Variants in PCDHGA8 observed in about 807,000 individuals in gnomAD.
The protein encoded by PCDHGA8 is protocadherin gamma subfamily A, 8, also known as protocadherin gamma-A8.
PCDHGA8 carries 45 observed loss-of-function variants against 59.2 expected under a neutral mutation model. The ratio of observed to expected loss-of-function variants is 0.76; its 90% CI spans 0.60 to 0.98. The LOEUF is 0.98. Among genes scored for constraint, PCDHGA8 ranks in the 50% least tolerant of loss-of-function variants. PCDHGA8 has a pLI of 0.00. For missense variants in PCDHGA8, 1,257 were observed against 1,196.2 expected (o/e 1.05, Z -0.75); for synonymous variants, 531 against 519.0 (o/e 1.02, Z -0.32).
Position 141,485,113 on chromosome 5 carries a change from T to G in PCDHGA8, c.2425-9694T>G. On this transcript the variant is annotated intron_variant, in intron 1 of 3. Transcript: ENST00000398604. This position sits in a 1 kb window ranked among gnomAD's most constrained non-coding sequence, Gnocchi z 5.7. ...AGGTGTCTCCAGCTGCTGTGGCTGTTTGGGGCGGGTCGGCTTCATCCGCGT... is the reference window on the plus strand; with the variant it reads ...AGGTGTCTCCAGCTGCTGTGGCTGTGTGGGGCGGGTCGGCTTCATCCGCGT... 1 of 1,286,014 alleles carries G rather than the reference T, an allele frequency of 7.8e-7. No individual in the cohort carries two copies. Among genetic ancestry groups the G allele is most frequent in the Non-Finnish European group, 1.1e-6 (1 of 898,642 alleles). 79.7% of individuals were successfully genotyped at this position (1,286,014 alleles called of 1,614,324 possible). A position where few individuals can be genotyped will look rare whatever the true frequency, so the allele number is the denominator to read the frequency against.
At chr5:141,403,708 T>C (rs1265644591) in intron 1 of PCDHGA8, 2 of 1,613,906 alleles carry the variant, frequency 1.2e-6, no homozygotes, top group South Asian at 1.1e-5. Flanking sequence ...TTAAAGTCCT[T>C]GAGAACGTGC....
intron 1 of PCDHGA8, among the ~76,000 whole-genome samples, chr5:141,483,648 T>TTGTGTGTG (rs111458813): frequency 0.019 from 2,886 of 149,692 alleles, 51 homozygotes; most frequent in African/African-American, 0.054. Flanking sequence ...GGGTGTGTGT[T>TTGTGTGTG]TGTGTGTGTG....
intron 1 of PCDHGA8, chr5:141,402,966 C>G (rs749578447): frequency 6.8e-6 from 11 of 1,605,942 alleles, no homozygotes; most frequent in Non-Finnish European, 8.5e-6. Context: ...GCAGCTCCAA[C>G]CAAATGCCAG....
In PCDHGA8 at chr5:141,432,365, G is replaced by A. The variant is rs1561860587; in HGVS notation, c.2424+37128G>A. The A allele has an allele frequency of 6.2e-7, 1 of 1,614,224 alleles. No homozygotes were observed. The highest frequency in any genetic ancestry group is 2.2e-5 in the East Asian group (1 of 44,882). ...CTTGCAAGTGAAAGTGATGGCGCGG[G>A]ACAACGGGCACCCGCCCCTCAGCAG... On this transcript the variant is annotated intron_variant, in intron 1 of 3. Transcript: ENST00000398604. The surrounding 1 kb of genome is among the most constrained non-coding windows in gnomAD (Gnocchi z 6.0).
chr5:141,413,397 T>A, intron 1 of PCDHGA8: 1 of 1,613,942 alleles, frequency 6.2e-7, no homozygotes, highest in Non-Finnish European at 8.5e-7. Context: ...TCTCCAGAGG[T>A]AGGACGCAGC....
chr5:141,421,055 C>A, intron 1 of PCDHGA8: 2 of 577,118 alleles, frequency 3.5e-6, no homozygotes, highest in South Asian at 2.4e-5. Flanking sequence ...GCCTCTACCA[C>A]ACAAAGCGGA....
intron 1 of PCDHGA8, chr5:141,399,398 G>A (rs1374441258): frequency 6.2e-7 from 1 of 1,613,972 alleles, no homozygotes; most frequent in Non-Finnish European, 8.5e-7. Flanking sequence ...ACAGACAGGG[G>A]CAAGCCGCCC....
chr5:141,404,271 T>A, intron 1 of PCDHGA8: 1 of 1,614,000 alleles, frequency 6.2e-7, no homozygotes, highest in Non-Finnish European at 8.5e-7. Flanking sequence ...CACATCACCC[T>A]GCAAGTGACT....
intron 1 of PCDHGA8, among the ~76,000 whole-genome samples, chr5:141,455,425 A>G (rs2098822334): frequency 1.3e-5 from 2 of 152,168 alleles, no homozygotes; most frequent in African/African-American, 2.4e-5. Flanking sequence ...CGGGGCTCCA[A>G]AAGAGGAGGT....
In PCDHGA8 at chr5:141,477,551, C is replaced by T. The variant is rs372055994; in HGVS notation, c.2425-17256C>T. ...CCTCCCCGGGGCTCCAATACTAAAC[C>T]TAAGTGTCTGGGACCCCGACGCCCC... On this transcript the variant is annotated intron_variant, in intron 1 of 3. Coordinates refer to ENST00000398604, the MANE Select transcript of PCDHGA8 (RefSeq NM_032088.2). The surrounding 1 kb of genome is among the most constrained non-coding windows in gnomAD (Gnocchi z 4.9). The T allele has an allele frequency of 8.1e-6, 13 of 1,614,060 alleles. No homozygotes were observed. Among genetic ancestry groups the T allele is most frequent in the Non-Finnish European group, 1.0e-5 (12 of 1,180,042 alleles).
Position 141,490,348 on chromosome 5 carries a change from G to T in PCDHGA8, c.2425-4459G>T, listed in dbSNP as rs2099698964. On this transcript the variant is annotated intron_variant, in intron 1 of 3. Transcript: ENST00000398604. The surrounding 1 kb of genome is among the most constrained non-coding windows in gnomAD (Gnocchi z 5.4). ...GAGCACACCAGTGGGCACAGTAGTG[G>T]GGTTGTTTAATGTGCGAGACCGGGA... The T allele has an allele frequency of 1.2e-6, 2 of 1,614,080 alleles. No homozygotes were observed. The highest frequency in any genetic ancestry group is 3.3e-5 in the Admixed American group (2 of 60,018).
At chr5:141,427,693 C>G in intron 1 of PCDHGA8, 1 of 909,726 alleles carries the variant, frequency 1.1e-6, no homozygotes, top group Non-Finnish European at 1.8e-6. Flanking sequence ...GCCTCCATCC[C>G]ACAAGTCAGC....
At position 141,512,133 on chromosome 5, in the gene PCDHGA8, G is replaced by C. The variant is rs1394116556; in HGVS notation, c.*960G>C. 1 of 152,708 alleles carries C rather than the reference G, an allele frequency of 6.5e-6. No homozygotes were observed. Among genetic ancestry groups the C allele is most frequent in the Non-Finnish European group, 1.5e-5 (1 of 68,102 alleles). The allele number at this position is 152,708 out of a possible 1,614,324, so 9.5% of individuals were successfully genotyped here. On this transcript the variant is annotated 3_prime_UTR_variant, in exon 4 of 4. Transcript: ENST00000398604. ...CCACTACATAATAGGGCTCAGCCCA[G>C]GCAGCCAGCTTTGGGCTGAGCTAAC...
chr5:141,463,097 C>A (rs1333118215), intron 1 of PCDHGA8, among the ~76,000 whole-genome samples: 2 of 152,152 alleles, frequency 1.3e-5, no homozygotes, highest in East Asian at 3.8e-4. Context: ...CCCTATGTGA[C>A]CATCAAGAAT....
At chr5:141,407,767 G>T (rs1458257073) in intron 1 of PCDHGA8, among the ~76,000 whole-genome samples, 1 of 152,140 alleles carries the variant, frequency 6.6e-6, no homozygotes, top group Non-Finnish European at 1.5e-5. Context: ...GTTTGAAATT[G>T]TGCATAATAG....
At chr5:141,407,602 G>A (rs1395597779) in intron 1 of PCDHGA8, among the ~76,000 whole-genome samples, 2 of 152,064 alleles carry the variant, frequency 1.3e-5, no homozygotes, top group Non-Finnish European at 2.9e-5. Context: ...ATCTTAAAAA[G>A]AAGCATTGGT....
At chr5:141,453,240 A>G (rs1470706774) in intron 1 of PCDHGA8, among the ~76,000 whole-genome samples, 1 of 152,020 alleles carries the variant, frequency 6.6e-6, no homozygotes, top group African/African-American at 2.4e-5. Context: ...CAGCCTCCCA[A>G]ATAGCTGGGG....
At chr5:141,454,796 A>ATTTTTTTTTTTTTTTTTTTTTTTT (rs61612330) in intron 1 of PCDHGA8, among the ~76,000 whole-genome samples, 4 of 77,456 alleles carry the variant, frequency 5.2e-5, no homozygotes, top group Non-Finnish European at 9.3e-5. Flanking sequence ...CATGGTTCTA[A>ATTTTTTTTTTTTTTTTTTTTTTTT]TTTTTTTTTT....
chr5:141,410,809 G>C, intron 1 of PCDHGA8: 1 of 292,002 alleles, frequency 3.4e-6, no homozygotes, highest in Admixed American at 5.8e-5. Flanking sequence ...CTATCTTTTT[G>C]TAAAATAATG....
Sources: gnomAD v4.1 joint callset for allele counts (sites outside exome capture counted in the v4.1 genomes callset) on GRCh38, gnomAD v4.1.1 for gene constraint, Gnocchi (gnomAD v3.1) non-coding constraint, MANE v1.5 for transcripts, NCBI Gene and HGNC (gene_info 2026-07-23, HGNC 2026-07-21) for gene names.